The following NAV3 variants were observed in gnomAD, a reference collection of about 807,000 sequenced individuals.
The protein encoded by NAV3 is neuron navigator 3, also known as pore membrane and/or filament interacting like protein 1.
NAV3 carries 87 observed loss-of-function variants against 244.7 expected under a neutral mutation model. The ratio of observed to expected loss-of-function variants is 0.36; its 90% CI spans 0.30 to 0.42. The LOEUF is 0.42. Ranked by LOEUF, NAV3 falls within the 20% of genes least tolerant of loss-of-function variation. The pLI is 1.00. For synonymous variants in NAV3, 1,126 were observed against 1,042.2 expected, an observed-to-expected ratio of 1.08 and a Z score of -1.55; for missense variants, 2,663 against 2,893.3, an observed-to-expected ratio of 0.92 and a Z score of 1.83.
intron 3 of NAV3, among the ~76,000 whole-genome samples, chr12:77,957,036 C>T (rs967602783): frequency 6.6e-6 from 1 of 152,196 alleles, no homozygotes; most frequent in African/African-American, 2.4e-5. Flanking sequence ...AGCCACCACA[C>T]CCAGGCCCAA....
intron 3 of NAV3, among the ~76,000 whole-genome samples, chr12:77,951,182 C>T (rs555903456): frequency 1.3e-5 from 2 of 152,218 alleles, no homozygotes; most frequent in Non-Finnish European, 2.9e-5. Context: ...TGACAAAGGG[C>T]TAATATCCAG....
At chr12:78,165,048 TG>T (rs1957721040) in intron 23 of NAV3, among the ~76,000 whole-genome samples, 1 of 152,082 alleles carries the variant, frequency 6.6e-6, no homozygotes, top group African/African-American at 2.4e-5. Flanking sequence ...CTGAACGAAT[TG>T]TTTAGCCTCA....
Position 78,006,775 on chromosome 12 carries a change from G to A in NAV3, c.1237G>A (p.Asp413Asn), listed in dbSNP as rs1874301122. The A allele has an allele frequency of 1.2e-6, 2 of 1,614,148 alleles. No individual in the cohort carries two copies. Among genetic ancestry groups the A allele is most frequent in the Non-Finnish European group, 1.7e-6 (2 of 1,180,016 alleles). The change falls in exon 8 of 40, where the codon GAT (aspartate) becomes AAT (asparagine). Residue 413 changes from aspartate (D) to asparagine (N), a missense_variant. Physicochemically the swap from Asp to Asn is conservative, Grantham distance 23. Around this residue, in one of 6 missense-constraint regions of NAV3, gnomAD observed 1,521 missense variants for 1,497.0 expected, o/e 1.02. Coordinates refer to ENST00000397909, the MANE Select transcript of NAV3 (RefSeq NM_001024383.2). ...TTCAGGACCTAGTGATGGTGGGAAG[G>A]ATGATGATGCCTTTTCTGAATCTGG... Reference protein sequence around the residue: ...PSSGPSDGGKDDDAFSESGEM... With the variant: ...PSSGPSDGGKNDDAFSESGEM...
intron 3 of NAV3, among the ~76,000 whole-genome samples, 194 bp from the exon 4 acceptor site, chr12:77,966,035 A>G (rs1892482031): frequency 6.6e-6 from 1 of 152,222 alleles, no homozygotes; most frequent in Non-Finnish European, 1.5e-5. Context: ...TGTAAGTACC[A>G]GCTGTACAAT....
At chr12:78,075,362 A>T (rs761799308) in intron 12 of NAV3, among the ~76,000 whole-genome samples, 23 of 152,216 alleles carry the variant, frequency 1.5e-4, no homozygotes, top group Non-Finnish European at 1.6e-4. Context: ...ACTAACAGTT[A>T]CAAGAATAGT....
chr12:77,913,403 C>T (rs1187227998), intron 1 of NAV3, among the ~76,000 whole-genome samples: 1 of 151,904 alleles, frequency 6.6e-6, no homozygotes, highest in Non-Finnish European at 1.5e-5. Flanking sequence ...TCATAGCTAA[C>T]ATTTATCTAA....
intron 2 of NAV3, among the ~76,000 whole-genome samples, chr12:77,721,473 T>C (rs1028135806): frequency 6.6e-6 from 1 of 152,186 alleles, no homozygotes; most frequent in Admixed American, 6.5e-5. Context: ...TGAATGTGTT[T>C]ATAGCCATTT....
At chr12:78,176,560 A>G in intron 26 of NAV3, 101 bp downstream of exon 26, 1 of 1,064,786 alleles carries the variant, frequency 9.4e-7, no homozygotes, top group African/African-American at 1.6e-5. Context: ...ACCTTTTAAA[A>G]CAGATTACCT....
At chr12:77,817,794 A>G (rs1872578656) in intron 2 of NAV3, among the ~76,000 whole-genome samples, 1 of 152,126 alleles carries the variant, frequency 6.6e-6, no homozygotes, top group African/African-American at 2.4e-5. Flanking sequence ...TTGGGGAAAA[A>G]TCCCCACTGG....
chr12:77,603,500 C>T (rs12368030), intron 2 of NAV3, among the ~76,000 whole-genome samples: 25,320 of 151,512 alleles, frequency 0.17, 2,494 homozygotes, highest in Admixed American at 0.23. Flanking sequence ...TGCAGTATGA[C>T]ATGAGTGAAC....
At chr12:77,889,715 T>C (rs556200968) in intron 1 of NAV3, among the ~76,000 whole-genome samples, 1 of 152,326 alleles carries the variant, frequency 6.6e-6, no homozygotes, top group East Asian at 1.9e-4. Context: ...TTAGTAGAGA[T>C]GTAAATTAAT....
At position 78,118,141 on chromosome 12, in the gene NAV3, A is replaced by C. The variant is rs776313385; in HGVS notation, c.2884A>C (p.Lys962Gln). Residue 962 changes from lysine (K) to glutamine (Q), a missense_variant, in exon 14 of 40, where the codon AAG becomes CAG. Lys to Gln is a moderately conservative substitution (Grantham distance 53). Transcript: ENST00000397909. ...DSHGDAGGKW[K>Q]TVSSGLPEDP... ...CCATGGGGATGCTGGTGGCAAGTGG[A>C]AGACTGTGTCCTCTGGACTTCCTGA... 3 of 1,613,884 alleles carry C rather than the reference A, an allele frequency of 1.9e-6. No individual in the cohort carries two copies. In the African/African-American group the frequency reaches 4.0e-5, roughly 22 times the overall value.
intron 2 of NAV3, among the ~76,000 whole-genome samples, chr12:77,647,289 A>T (rs564066915): frequency 5.3e-4 from 81 of 152,236 alleles, no homozygotes; most frequent in Admixed American, 1.9e-3. Context: ...TTCTTGGTAA[A>T]AGGAGAGCAA....
At chr12:77,935,057 C>T (rs1047442054) in intron 1 of NAV3, among the ~76,000 whole-genome samples, 6 of 152,214 alleles carry the variant, frequency 3.9e-5, no homozygotes, top group Non-Finnish European at 8.8e-5. Context: ...AACACATATA[C>T]CTCTATGTAG....
chr12:78,128,563 G>T, intron 17 of NAV3, 143 bp from the exon 18 acceptor site: 1 of 786,624 alleles, frequency 1.3e-6, no homozygotes, highest in Non-Finnish European at 1.9e-6. Context: ...AGATCATCTG[G>T]AAGAACTGAG....
intron 2 of NAV3, among the ~76,000 whole-genome samples, chr12:77,708,926 G>A (rs1490504501): frequency 1.3e-5 from 2 of 152,178 alleles, no homozygotes. Context: ...CTGAGACTTT[G>A]CTGAAGTTGC....
chr12:78,022,891 C>T (rs924910549), intron 9 of NAV3, among the ~76,000 whole-genome samples: 3 of 152,074 alleles, frequency 2.0e-5, no homozygotes, highest in Non-Finnish European at 2.9e-5. Context: ...TAACATTAGG[C>T]GTCAGAGGTT....
intron 3 of NAV3, among the ~76,000 whole-genome samples, chr12:77,949,697 C>A (rs1386181137): frequency 1.3e-5 from 2 of 151,864 alleles, no homozygotes; most frequent in Non-Finnish European, 2.9e-5. Context: ...TATATTGAAA[C>A]ATCAGTATCA....
chr12:77,777,908 CG>C (rs1565809965), intron 2 of NAV3, among the ~76,000 whole-genome samples: 1 of 151,570 alleles, frequency 6.6e-6, no homozygotes, highest in African/African-American at 2.4e-5. Context: ...CAGGTTCAAG[CG>C]ATTCTCCTGC....
Sources: gnomAD v4.1 joint callset for allele counts (sites outside exome capture counted in the v4.1 genomes callset) on GRCh38, gnomAD v4.1.1 for gene constraint, gnomAD v4.1.1 regional missense constraint, MANE v1.5 for transcripts, NCBI Gene and HGNC (gene_info 2026-07-23, HGNC 2026-07-21) for gene names.